Variants in SIX4 observed in about 807,000 individuals in gnomAD.
SIX4 encodes homeobox protein SIX4.
SIX4 carries 23 observed loss-of-function variants against 51.5 expected under a neutral mutation model. The observed-to-expected ratio is 0.45, with a 90% CI of 0.32 to 0.63. SIX4 has a LOEUF of 0.63. Ranked by LOEUF, SIX4 falls within the 30% of genes least tolerant of loss-of-function variation. The pLI, the probability that SIX4 is intolerant of heterozygous loss-of-function variation, is 0.04. For missense variants in SIX4, 867 were observed against 984.0 expected (o/e 0.88, Z 1.59); for synonymous variants, 413 against 417.3 (o/e 0.99, Z 0.13).
rs1896049666 is a variant in SIX4 at position 60,722,863 on chromosome 14, C to T, written c.863+349G>A. ...CCGGTGTCCACATTTGCTTCGTTAG[C>T]CCCTCCAGAAACGGGGAGAGGGTGG... On this transcript the variant is annotated intron_variant, in intron 1 of 2. Coordinates refer to ENST00000216513, the MANE Select transcript of SIX4 (RefSeq NM_017420.5). This position sits in a 1 kb window ranked among gnomAD's most constrained non-coding sequence, Gnocchi z 5.9. 6.6e-6 allele frequency among the ~76,000 whole-genome samples: 1 copy of T among 151,810 alleles called. No individual in the cohort carries two copies. Among genetic ancestry groups the T allele is most frequent in the South Asian group, 2.1e-4 (1 of 4,796 alleles).
At position 60,724,050 on chromosome 14, in the gene SIX4, G is replaced by A; in HGVS notation, c.25C>T (p.Gln9Ter). Reference protein sequence around the residue: MSSSSPTGQIASAADIKQE... With the variant: MSSSSPTG ...TTGATGTCCGCCGCACTTGCGATCTGCCCGGTGGGGGAGGAAGAGGACATT... is the reference window on the plus strand; with the variant it reads ...TTGATGTCCGCCGCACTTGCGATCTACCCGGTGGGGGAGGAAGAGGACATT... The change falls in exon 1 of 3, where the codon CAG (glutamine) becomes TAG (stop). Residue 9 changes from glutamine to a stop codon, truncating the protein, a stop_gained. Transcript: ENST00000216513. LOFTEE classifies it high-confidence loss of function. 1 of 1,540,960 alleles carries A rather than the reference G, an allele frequency of 6.5e-7. No homozygotes were observed.
At chr14:60,716,262 T>C (rs899764768) in intron 2 of SIX4, among the ~76,000 whole-genome samples, 1 of 150,834 alleles carries the variant, frequency 6.6e-6, no homozygotes, top group Non-Finnish European at 1.5e-5. Context: ...AAAAAAAAAA[T>C]TTTTTTTTGA....
chr14:60,718,846 A>C (rs1895968342), intron 2 of SIX4, among the ~76,000 whole-genome samples: 2 of 152,198 alleles, frequency 1.3e-5, no homozygotes, highest in Non-Finnish European at 2.9e-5. Flanking sequence ...ACCATCTTAT[A>C]GGAAGCAGAC....
Position 60,720,060 on chromosome 14 carries a change from C to A in SIX4, c.1249G>T (p.Asp417Tyr). The A allele has an allele frequency of 6.2e-7, 1 of 1,614,188 alleles. No individual in the cohort carries two copies. The highest frequency in any genetic ancestry group is 1.1e-5 in the South Asian group (1 of 91,078). Residue 417 changes from aspartate (D) to tyrosine (Y), a missense_variant, in exon 2 of 3, where the codon GAC (aspartate) becomes TAC (tyrosine). By Grantham distance (160) the Asp-to-Tyr change is radical (BLOSUM62 -3). Coordinates refer to ENST00000216513, the MANE Select transcript of SIX4 (RefSeq NM_017420.5). The surrounding 1 kb of genome is among the most constrained non-coding windows in gnomAD (Gnocchi z 5.5). ...TGGAGGACTTTGAATTCCTTCACGTCCTGGGAAGTAGACCCCAGTATGTCA... is the reference window on the plus strand; with the variant it reads ...TGGAGGACTTTGAATTCCTTCACGTACTGGGAAGTAGACCCCAGTATGTCA... ...MTDILGSTSQ[D>Y]VKEFKVLQSS...
At chr14:60,721,481 G>A (rs776890577) in intron 1 of SIX4, among the ~76,000 whole-genome samples, 5 of 152,226 alleles carry the variant, frequency 3.3e-5, no homozygotes, top group Non-Finnish European at 4.4e-5. Context: ...GCGGGGCCAG[G>A]AGCGCAGAAA....
intron 2 of SIX4, among the ~76,000 whole-genome samples, chr14:60,715,041 G>C (rs1025304858): frequency 1.6e-4 from 24 of 151,314 alleles, no homozygotes; most frequent in Non-Finnish European, 3.2e-4. Context: ...GGTATATTGA[G>C]TAATGGTGGG....
Position 60,717,048 on chromosome 14 carries a change from G to T in SIX4, c.1549+2712C>A. On this transcript the variant is annotated intron_variant, in intron 2 of 2. Coordinates refer to ENST00000216513, the MANE Select transcript of SIX4 (RefSeq NM_017420.5). This position sits in a 1 kb window ranked among gnomAD's most constrained non-coding sequence, Gnocchi z 4.6. Reference sequence around the variant, plus strand: ...AAAACACTGCCTTCAACTTAAGTATGCTTTAAAACTCTTATTTTTATTTAT... The same window carrying T: ...AAAACACTGCCTTCAACTTAAGTATTCTTTAAAACTCTTATTTTTATTTAT... The T allele has an allele frequency of 3.3e-6, 1 of 301,810 alleles. No homozygotes were observed. Among genetic ancestry groups the T allele is most frequent in the Non-Finnish European group, 6.4e-6 (1 of 156,588 alleles). 18.7% of individuals were successfully genotyped at this position (301,810 alleles called of 1,614,324 possible).
At chr14:60,723,058 G>A (rs562441942) in intron 1 of SIX4, 154 bp downstream of exon 1, 4 of 1,410,912 alleles carry the variant, frequency 2.8e-6, no homozygotes, top group African/African-American at 2.9e-5. Context: ...TACCTCTGCC[G>A]GCCGGGGAGC....
Position 60,723,430 on chromosome 14 carries a change from G to A in SIX4, c.645C>T (p.Pro215=), listed in dbSNP as rs1459403529. Residue 215 remains proline, a synonymous_variant, in exon 1 of 3, where the codon CCC becomes CCT. Transcript: ENST00000216513. ...VDKYRLRRKF[P]LPRTIWDGEE... is the part of the protein sequence containing the mutation. The stretch of plus-strand genomic sequence containing the variant: ...CGCCGTCCCAGATGGTGCGGGGCAG[G>A]GGGAATTTCCTGCGCAGCCGGTACT... 6 of 1,610,660 alleles carry A rather than the reference G, an allele frequency of 3.7e-6. No individual in the cohort carries two copies. Among genetic ancestry groups the A allele is most frequent in the Non-Finnish European group, 4.2e-6 (5 of 1,179,956 alleles).
rs1896043435 is a variant in SIX4, at chr14:60,722,618, C to T, written c.863+594G>A. On this transcript the variant is annotated intron_variant, in intron 1 of 2. Transcript: ENST00000216513. The surrounding 1 kb of genome is among the most constrained non-coding windows in gnomAD (Gnocchi z 5.9). ...TGATTAACTCTGTCATATGAAACCT[C>T]GACGTTCCGAGACCCCTTCTGCGCC... 6.6e-6 allele frequency among the ~76,000 whole-genome samples: 1 copy of T among 152,144 alleles called. No individual in the cohort carries two copies.
rs907111219 is a variant in SIX4 at position 60,710,938 on chromosome 14, G to T, written c.*2469C>A. ...TGTGCTATCTTTTCTTTTTCATAAGGGAGAAAAGAGGAAGAACACTGAATA... is the reference window on the plus strand; with the variant it reads ...TGTGCTATCTTTTCTTTTTCATAAGTGAGAAAAGAGGAAGAACACTGAATA... On this transcript the variant is annotated 3_prime_UTR_variant, in exon 3 of 3. Coordinates refer to ENST00000216513, the MANE Select transcript of SIX4 (RefSeq NM_017420.5). The T allele has an allele frequency of 1.3e-5, 2 of 151,584 alleles. No homozygotes were observed. The highest frequency in any genetic ancestry group is 2.4e-5 in the African/African-American group (1 of 41,152). 9.4% of individuals were successfully genotyped at this position (151,584 alleles called of 1,614,324 possible).
At chr14:60,723,107 C>T in intron 1 of SIX4, 105 bp downstream of exon 1, 1 of 1,422,858 alleles carries the variant, frequency 7.0e-7, no homozygotes, top group South Asian at 1.5e-5. Flanking sequence ...CCGGACCAGG[C>T]TGGTGGGGAA....
rs1341233558 is a variant in SIX4, at chr14:60,723,485, G to C, written c.590C>G (p.Ala197Gly). ...TACGGCTCCCAGCGGCCGGCCGCGGGCTCGCTCGGCCTCGGTGTAGCGCGC... is the reference window on the plus strand; with the variant it reads ...TACGGCTCCCAGCGGCCGGCCGCGGCCTCGCTCGGCCTCGGTGTAGCGCGC... ...YKARYTEAER[A>G]RGRPLGAVDK... is the part of the protein sequence containing the mutation. The change falls in exon 1 of 3, where the codon GCC becomes GGC. Residue 197 changes from alanine to glycine, a missense_variant. Transcript: ENST00000216513. 2 of 1,606,512 alleles carry C rather than the reference G, an allele frequency of 1.2e-6. No homozygotes were observed. Among genetic ancestry groups the C allele is most frequent in the South Asian group, 1.1e-5 (1 of 90,948 alleles).
Position 60,712,031 on chromosome 14 carries a change from GA to G in SIX4, c.*1375del, listed in dbSNP as rs1895831858. ...GAAACCAAAAATATTTACTTTTAAA[GA>G]AGACATGATAATATAGTGCAAACAA... On this transcript the variant is annotated 3_prime_UTR_variant, in exon 3 of 3. Coordinates refer to ENST00000216513, the MANE Select transcript of SIX4 (RefSeq NM_017420.5). 1 of 152,526 alleles carries G rather than the reference GA, an allele frequency of 6.6e-6. No homozygotes were observed. 9.4% of individuals were successfully genotyped at this position (152,526 alleles called of 1,614,324 possible).
Position 60,720,297 on chromosome 14 carries a change from T to G in SIX4, c.1012A>C (p.Asn338His). ...GAAGAGCTTAATGATATCTTAGCAT[T>G]TCCAATTTGTTGCATATATACTGGC... ...MEPVYMQQIG[N>H]AKISLSSSGV... Residue 338 changes from asparagine (N) to histidine (H), a missense_variant, in exon 2 of 3, where the codon AAT becomes CAT. Asn to His is a moderately conservative substitution (Grantham distance 68). Transcript: ENST00000216513. This position sits in a 1 kb window ranked among gnomAD's most constrained non-coding sequence, Gnocchi z 5.5. 1 of 1,614,186 alleles carries G rather than the reference T, an allele frequency of 6.2e-7. No homozygotes were observed. The highest frequency in any genetic ancestry group is 1.6e-4 in the Middle Eastern group (1 of 6,062).
intron 1 of SIX4, among the ~76,000 whole-genome samples, chr14:60,721,982 A>T (rs1896028962): frequency 6.6e-6 from 1 of 152,206 alleles, no homozygotes; most frequent in African/African-American, 2.4e-5. Flanking sequence ...CCGGAGCCCG[A>T]GCCGTCGGAC....
Position 60,712,646 on chromosome 14 carries a change from CAATAAA to C in SIX4, c.*755_*760del, listed in dbSNP as rs1429726823. On this transcript the variant is annotated 3_prime_UTR_variant, in exon 3 of 3. Coordinates refer to ENST00000216513, the MANE Select transcript of SIX4 (RefSeq NM_017420.5). ...CGACTATGTTCACTTCCTGTTCAAACAATAAAAATAAATTAAACAGTAAGAAAACAT... is the reference window on the plus strand; with the variant it reads ...CGACTATGTTCACTTCCTGTTCAAACAATAAATTAAACAGTAAGAAAACAT... 6.6e-6 allele frequency: 1 copy of C among 152,414 alleles called. No homozygotes were observed. The highest frequency in any genetic ancestry group is 6.6e-5 in the Admixed American group (1 of 15,258). The allele number at this position is 152,414 out of a possible 1,614,324, so 9.4% of individuals were successfully genotyped here.
chr14:60,722,282 T>A lies in SIX4; in HGVS notation c.863+930A>T, dbSNP rs1475956826. Reference sequence around the variant, plus strand: ...ACAAAAGAGGTGGAAAATCCGGTATTTTTTTTACCAGAGGGGGAAAGCAGT... The same window carrying A: ...ACAAAAGAGGTGGAAAATCCGGTATATTTTTTACCAGAGGGGGAAAGCAGT... On this transcript the variant is annotated intron_variant, in intron 1 of 2. Transcript: ENST00000216513. This position sits in a 1 kb window ranked among gnomAD's most constrained non-coding sequence, Gnocchi z 5.9. Among the ~76,000 whole-genome samples, 1 of 152,052 alleles carries A rather than the reference T, an allele frequency of 6.6e-6. No homozygotes were observed. The highest frequency in any genetic ancestry group is 1.5e-5 in the Non-Finnish European group (1 of 68,010).
At chr14:60,723,181 A>T in intron 1 of SIX4, 31 bp downstream of exon 1, 1 of 1,491,842 alleles carries the variant, frequency 6.7e-7, no homozygotes, top group Non-Finnish European at 9.1e-7. Context: ...GGGGGAGAGG[A>T]AGGGGGAGGA....
Sources: allele counts gnomAD v4.1 joint callset (sites outside exome capture counted in the v4.1 genomes callset), GRCh38; gene constraint gnomAD v4.1.1; non-coding constraint Gnocchi (gnomAD v3.1); transcripts MANE v1.5; gene names NCBI Gene and HGNC (gene_info 2026-07-23, HGNC 2026-07-21).